The following FBXW8 variants were observed in gnomAD, a reference collection of about 807,000 sequenced individuals.
FBXW8 encodes F-box/WD repeat-containing protein 8.
Under a neutral mutation model 65.3 loss-of-function variants are expected in FBXW8, and 57 were observed. The observed-to-expected ratio is 0.87, with a 90% CI of 0.71 to 1.09. FBXW8 has a LOEUF of 1.09. FBXW8 is among the 50% of genes least tolerant of loss of function. The pLI is 0.00. For synonymous variants in FBXW8, 308 were observed against 330.2 expected (o/e 0.93, Z 0.73); for missense variants, 777 against 814.8 (o/e 0.95, Z 0.57).
chr12:116,960,980 T>C (rs1883952335), intron 4 of FBXW8, among the ~76,000 whole-genome samples: 1 of 152,148 alleles, frequency 6.6e-6, no homozygotes, highest in Non-Finnish European at 1.5e-5. Flanking sequence ...ATCTTGGCTG[T>C]ATATTGAAAA....
At chr12:116,993,066 C>A (rs1410757328) in intron 7 of FBXW8, among the ~76,000 whole-genome samples, 1 of 147,278 alleles carries the variant, frequency 6.8e-6, no homozygotes, top group Non-Finnish European at 1.5e-5. Context: ...TCCCATTTCA[C>A]AACATCCATA....
chr12:117,027,257 G>C (rs1295217958), intron 9 of FBXW8, 137 bp from the exon 10 acceptor site: 1 of 684,944 alleles, frequency 1.5e-6, no homozygotes, highest in East Asian at 2.7e-5. Context: ...TTCCATGGGG[G>C]CCCTGTTCCC....
At chr12:116,913,006 TG>T (rs1265411459) in intron 1 of FBXW8, among the ~76,000 whole-genome samples, 5 of 152,178 alleles carry the variant, frequency 3.3e-5, no homozygotes, top group Admixed American at 3.3e-4. Context: ...TGATAGATTC[TG>T]GGGATTGAAT....
intron 8 of FBXW8, among the ~76,000 whole-genome samples, chr12:117,020,181 CTAGT>C (rs1300954448): frequency 5.9e-5 from 9 of 152,342 alleles, no homozygotes; most frequent in South Asian, 4.1e-4. Context: ...AGTTGAAGAG[CTAGT>C]TAATCGTGTC....
chr12:116,942,923 G>A (rs539692807), intron 2 of FBXW8, among the ~76,000 whole-genome samples: 2 of 151,662 alleles, frequency 1.3e-5, no homozygotes, highest in East Asian at 3.9e-4. Flanking sequence ...GACTACAGGT[G>A]CGTGCCACCA....
intron 1 of FBXW8, among the ~76,000 whole-genome samples, chr12:116,927,286 T>TTGCTTA (rs529838778): frequency 2.6e-4 from 39 of 152,152 alleles, no homozygotes; most frequent in Non-Finnish European, 5.1e-4. Context: ...TCATCTCTAA[T>TTGCTTA]TGCTTATCCA....
intron 5 of FBXW8, among the ~76,000 whole-genome samples, chr12:116,976,853 T>C (rs1306035656): frequency 6.6e-6 from 1 of 152,176 alleles, no homozygotes; most frequent in Non-Finnish European, 1.5e-5. Flanking sequence ...CGGTTTCATA[T>C]ATAAAACGGG....
chr12:116,935,214 A>C (rs1302584117), intron 2 of FBXW8, among the ~76,000 whole-genome samples: 1 of 152,242 alleles, frequency 6.6e-6, no homozygotes, highest in Non-Finnish European at 1.5e-5. Context: ...ATTGGTGAGC[A>C]AGAAGTAGTT....
chr12:116,911,507 G>A, intron 1 of FBXW8, 152 bp downstream of exon 1: 1 of 522,144 alleles, frequency 1.9e-6, no homozygotes. Context: ...CTTGCATAGG[G>A]GTCTTTCTGG....
intron 8 of FBXW8, among the ~76,000 whole-genome samples, chr12:117,010,885 C>T (rs1018903921): frequency 3.7e-4 from 56 of 152,170 alleles, no homozygotes; most frequent in African/African-American, 1.3e-3. Flanking sequence ...GGTGGTGTCC[C>T]TCTGGTGATG....
At chr12:116,952,471 A>G (rs1043266133) in intron 4 of FBXW8, among the ~76,000 whole-genome samples, 10 of 152,272 alleles carry the variant, frequency 6.6e-5, no homozygotes, top group Admixed American at 5.9e-4. Context: ...TCAACTGGAA[A>G]CCCAGAACCC....
chr12:117,000,377 T>TA (rs1953486121), intron 7 of FBXW8, among the ~76,000 whole-genome samples: 1 of 152,242 alleles, frequency 6.6e-6, no homozygotes, highest in Non-Finnish European at 1.5e-5. Flanking sequence ...GAGTAATACT[T>TA]ACCACTGTCA....
intron 7 of FBXW8, among the ~76,000 whole-genome samples, chr12:117,007,334 T>C (rs1461846842): frequency 6.6e-6 from 1 of 152,130 alleles, no homozygotes; most frequent in East Asian, 1.9e-4. Flanking sequence ...TTTTCCCCCA[T>C]TGCCTTCTAG....
chr12:117,010,507 C>T lies in FBXW8; in HGVS notation c.1367+57C>T, dbSNP rs1953780189. 9 of 1,610,564 alleles carry T rather than the reference C, an allele frequency of 5.6e-6. No individual in the cohort carries two copies. The South Asian group carries it at 7.7e-5, about 14-fold the overall frequency. On this transcript the variant is annotated intron_variant, in intron 8 of 10. Coordinates refer to ENST00000652555, the MANE Select transcript of FBXW8 (RefSeq NM_153348.3). ...CCCCATGGCTTCTGCCAAGGCCCGG[C>T]CCCCACTGCGCTGCTCACACTGCCC... is the stretch of plus-strand genomic sequence containing the variant.
chr12:117,010,835 G>A (rs975204018), intron 8 of FBXW8, among the ~76,000 whole-genome samples: 6 of 152,192 alleles, frequency 3.9e-5, no homozygotes, highest in African/African-American at 1.4e-4. Flanking sequence ...GCAAAATAGG[G>A]TTTCCTGCCA....
intron 5 of FBXW8, chr12:116,978,562 C>T (rs751196887): frequency 2.0e-5 from 3 of 152,138 alleles, no homozygotes; most frequent in Non-Finnish European, 4.4e-5. Flanking sequence ...TATCTCTGAA[C>T]GCAGTTAATT....
In FBXW8 at chr12:116,987,558, G is replaced by GGT. The variant is rs1212219375; in HGVS notation, c.1033-1104_1033-1103insTG. Reference sequence around the variant, plus strand: ...CTTCCTTACCCTCTGGTGGCCAAATGGACCCTGATGACGTTGAAACCAGGA... The same window carrying GGT: ...CTTCCTTACCCTCTGGTGGCCAAATGGTGACCCTGATGACGTTGAAACCAGGA... On this transcript the variant is annotated intron_variant, in intron 6 of 10. Transcript: ENST00000652555. Among the ~76,000 whole-genome samples, 3 of 152,310 alleles carry GGT rather than the reference G, an allele frequency of 2.0e-5. No homozygotes were observed. The East Asian group carries it at 5.8e-4, about 29-fold the overall frequency.
rs2135732435 is a variant in FBXW8 at position 117,028,406 on chromosome 12, T to TC, written c.*238dup. 1 of 556,488 alleles carries TC rather than the reference T, an allele frequency of 1.8e-6. No individual in the cohort carries two copies. The highest frequency in any genetic ancestry group is 3.1e-5 in the Admixed American group (1 of 32,120). 34.5% of individuals were successfully genotyped at this position (556,488 alleles called of 1,614,324 possible). A position where few individuals can be genotyped will look rare whatever the true frequency, so the allele number is the denominator to read the frequency against. On this transcript the variant is annotated 3_prime_UTR_variant, in exon 11 of 11. Transcript: ENST00000652555. The surrounding 1 kb of genome is among the most constrained non-coding windows in gnomAD (Gnocchi z 4.1). ...GCTGCCAACTCAAACATAGCCTCCT[T>TC]CCCCACCCAGCTGGCCACCCTGGCC...
rs1211439379 is a variant in FBXW8 at position 117,024,250 on chromosome 12, G to A, written c.1471G>A (p.Gly491Arg). Residue 491 changes from glycine (G) to arginine (R), a missense_variant, in exon 9 of 11, where the codon GGA becomes AGA. Coordinates refer to ENST00000652555, the MANE Select transcript of FBXW8 (RefSeq NM_153348.3). The stretch of plus-strand genomic sequence containing the variant: ...GATGGATGACTGGAAGATCGTCAGT[G>A]GAGGCGAGGAAGGCCTGGTGTCCGT... Reference protein sequence around the residue: ...VQMDDWKIVSGGEEGLVSVWD... With the variant: ...VQMDDWKIVSRGEEGLVSVWD... 3 of 1,614,240 alleles carry A rather than the reference G, an allele frequency of 1.9e-6. No individual in the cohort carries two copies. The highest frequency in any genetic ancestry group is 8.5e-7 in the Non-Finnish European group (1 of 1,180,050).
Sources: gnomAD v4.1 joint callset for allele counts (sites outside exome capture counted in the v4.1 genomes callset) on GRCh38, gnomAD v4.1.1 for gene constraint, Gnocchi (gnomAD v3.1) non-coding constraint, MANE v1.5 for transcripts, NCBI Gene and HGNC (gene_info 2026-07-23, HGNC 2026-07-21) for gene names.